Variants in PCDH15 observed in about 807,000 individuals in gnomAD.
PCDH15 encodes the protein protocadherin-15.
A neutral mutation model predicts 178.5 loss-of-function variants in PCDH15; 129 were observed. That is an observed-to-expected ratio of 0.72 (90% CI 0.63 to 0.84). PCDH15 has a LOEUF of 0.84. Among genes scored for constraint, PCDH15 ranks in the 40% least tolerant of loss-of-function variants. The pLI, the probability that PCDH15 is intolerant of heterozygous loss-of-function variation, is 0.00. For synonymous variants in PCDH15, 800 were observed against 732.0 expected (o/e 1.09, Z -1.50); for missense variants, 2,230 against 2,099.9 (o/e 1.06, Z -1.21).
At chr10:54,216,708 T>A (rs4935104) in intron 9 of PCDH15, among the ~76,000 whole-genome samples, 3 of 152,120 alleles carry the variant, frequency 2.0e-5, no homozygotes, top group Non-Finnish European at 4.4e-5. Context: ...AATACAAGTG[T>A]TGTAAAATTT....
At chr10:53,889,026 TA>T (rs768006465) in intron 26 of PCDH15, among the ~76,000 whole-genome samples, 4,187 of 133,840 alleles carry the variant, frequency 0.031, 50 homozygotes, top group African/African-American at 0.035. Context: ...ACATGGGAAA[TA>T]AAAAAAAAAA....
intron 3 of PCDH15, among the ~76,000 whole-genome samples, chr10:54,420,715 G>C (rs1955146992): frequency 1.3e-5 from 2 of 152,080 alleles, no homozygotes; most frequent in African/African-American, 2.4e-5. Flanking sequence ...TTATAAGCAA[G>C]AGATGATGTT....
intron 2 of PCDH15, among the ~76,000 whole-genome samples, chr10:55,525,976 A>G (rs1841293523): frequency 1.3e-5 from 2 of 151,936 alleles, no homozygotes; most frequent in South Asian, 4.1e-4. Flanking sequence ...CATGAAAATG[A>G]GTCATTAGAT....
chr10:54,411,768 G>A (rs2135646207), intron 3 of PCDH15, among the ~76,000 whole-genome samples: 1 of 152,208 alleles, frequency 6.6e-6, no homozygotes, highest in Admixed American at 6.5e-5. Context: ...ACAAGAAAAT[G>A]CCTGTCACAC....
intron 1 of PCDH15, among the ~76,000 whole-genome samples, chr10:55,261,339 T>C (rs191854571): frequency 7.2e-4 from 110 of 152,332 alleles, no homozygotes; most frequent in African/African-American, 2.6e-3. Flanking sequence ...TGGTGAAATT[T>C]TGTACATGAG....
intron 8 of PCDH15, among the ~76,000 whole-genome samples, chr10:54,263,330 A>G (rs1263817860): frequency 6.6e-6 from 1 of 152,126 alleles, no homozygotes. Flanking sequence ...AGCCACTAAA[A>G]GGGTCACCAC....
chr10:54,461,001 C>CT (rs939722189), intron 3 of PCDH15, among the ~76,000 whole-genome samples: 161 of 151,832 alleles, frequency 1.1e-3, no homozygotes, highest in African/African-American at 3.7e-3. Context: ...CTAAAGGATT[C>CT]TTTTTTATAA....
intron 1 of PCDH15, among the ~76,000 whole-genome samples, chr10:55,259,948 TAAG>T (rs1231057805): frequency 8.9e-6 from 1 of 112,166 alleles, no homozygotes; most frequent in Non-Finnish European, 1.9e-5. Flanking sequence ...AAAGTTTAGC[TAAG>T]AAGAGAAAAA....
rs190956507 is a variant in PCDH15, at chr10:53,887,748, G to A, written c.3501+15495C>T. Among the ~76,000 whole-genome samples, 357 of 152,284 alleles carry A rather than the reference G, an allele frequency of 2.3e-3. 3 individuals are homozygous for A. The highest frequency in any genetic ancestry group is 0.017 in the East Asian group (88 of 5,156). ...ACTAAAAATACGAAAAATTAGCCGG[G>A]CGTGGTGGCACATGCCTGTAGTCCC... is the stretch of plus-strand genomic sequence containing the variant. On this transcript the variant is annotated intron_variant, in intron 26 of 37. Transcript: ENST00000644397.
chr10:54,912,490 C>A (rs546175037), intron 2 of PCDH15, among the ~76,000 whole-genome samples: 109 of 152,232 alleles, frequency 7.2e-4, no homozygotes, highest in African/African-American at 2.4e-3. Flanking sequence ...TCCACTTTTG[C>A]CTTCCACCAT....
In PCDH15 at chr10:54,153,127, G is replaced by T. The variant is rs201301491; in HGVS notation, c.1757C>A (p.Ala586Glu). Reference protein sequence around the residue: ...GRTYALTVQAADNAPPAERRN... With the variant: ...GRTYALTVQAEDNAPPAERRN... ...TCGCTCTGCAGGAGGAGCATTATCC[G>T]CTGCTTGGACCGTGAGTGCGTAAGT... Residue 586 changes from alanine to glutamate, a missense_variant, in exon 14 of 38, where the codon GCG becomes GAG. Physicochemically the swap from Ala to Glu is moderately radical, Grantham distance 107. Transcript: ENST00000644397. The T allele has an allele frequency of 1.9e-6, 3 of 1,613,776 alleles. No individual in the cohort carries two copies. Among genetic ancestry groups the T allele is most frequent in the East Asian group, 4.5e-5 (2 of 44,860 alleles).
At chr10:54,564,843 C>T (rs933315415) in intron 2 of PCDH15, among the ~76,000 whole-genome samples, 2 of 152,036 alleles carry the variant, frequency 1.3e-5, no homozygotes, top group Non-Finnish European at 2.9e-5. Flanking sequence ...AAAAATTACT[C>T]TACAAATTAT....
chr10:55,531,860 A>C (rs1304239548), intron 2 of PCDH15, among the ~76,000 whole-genome samples: 1 of 152,080 alleles, frequency 6.6e-6, no homozygotes, highest in African/African-American at 2.4e-5. Flanking sequence ...AAGTGTTTAT[A>C]TAGAGACCTG....
chr10:55,388,067 G>A lies in PCDH15; in HGVS notation c.-155-221416C>T, dbSNP rs1009859019. On this transcript the variant is annotated intron_variant, in intron 2 of 5. Coordinates refer to the PCDH15 transcript ENST00000613346. ...GACACATTATTGTGTCTTCTTCCCC[G>A]TCAAAATCAGAAAAATAGTGGTCTG... Among the ~76,000 whole-genome samples, 50 of 151,804 alleles carry A rather than the reference G, an allele frequency of 3.3e-4. 1 individual carries two copies. The highest frequency in any genetic ancestry group is 1.3e-4 in the Non-Finnish European group (9 of 67,948).
chr10:54,868,607 C>A (rs1953980691), intron 3 of PCDH15, among the ~76,000 whole-genome samples: 1 of 152,254 alleles, frequency 6.6e-6, no homozygotes. Flanking sequence ...CTCTGTTCAC[C>A]ATTCAAAATT....
At chr10:54,110,539 C>A (rs1189462771) in intron 15 of PCDH15, among the ~76,000 whole-genome samples, 2 of 152,106 alleles carry the variant, frequency 1.3e-5, no homozygotes, top group Non-Finnish European at 2.9e-5. Flanking sequence ...TAAATTAGGA[C>A]AACTGTAGCA....
At chr10:54,417,134 C>T (rs528873759) in intron 3 of PCDH15, among the ~76,000 whole-genome samples, 127 of 152,180 alleles carry the variant, frequency 8.3e-4, no homozygotes, top group African/African-American at 1.6e-3. Flanking sequence ...AAGTGATCCA[C>T]GCACCTTAGT....
At chr10:54,234,132 CTGTGTGTGTGTGTGTGTG>C (rs35466519) in intron 9 of PCDH15, among the ~76,000 whole-genome samples, 20 of 138,548 alleles carry the variant, frequency 1.4e-4, no homozygotes, top group African/African-American at 4.6e-4. Context: ...ATATCCCCTT[CTGTGTGTGTGTGTGTGTG>C]TGTGTGTGTG....
At chr10:54,165,281 T>C (rs1000790932) in intron 13 of PCDH15, among the ~76,000 whole-genome samples, 3 of 152,144 alleles carry the variant, frequency 2.0e-5, no homozygotes, top group African/African-American at 7.2e-5. Context: ...GGTAGGTGGC[T>C]GGCAAATTTA....
Sources: allele counts gnomAD v4.1 joint callset (sites outside exome capture counted in the v4.1 genomes callset), GRCh38; gene constraint gnomAD v4.1.1; transcripts MANE v1.5; gene names NCBI Gene and HGNC (gene_info 2026-07-23, HGNC 2026-07-21).